TINAG: variants seen among roughly 807,000 people sequenced by gnomAD.
TINAG encodes the protein tubulointerstitial nephritis antigen.
A neutral mutation model predicts 72.7 loss-of-function variants in TINAG; 83 were observed. The ratio of observed to expected loss-of-function variants is 1.14; its 90% CI spans 0.96 to 1.37. TINAG has a LOEUF of 1.37. Ranked by LOEUF, TINAG falls within the 40% of genes most tolerant of loss-of-function variation. TINAG has a pLI of 0.00. For synonymous variants in TINAG, 234 were observed against 189.9 expected (o/e 1.23, Z -1.91); for missense variants, 685 against 576.6 (o/e 1.19, Z -1.93).
At chr6:54,335,659 A>G (rs562078556) in intron 4 of TINAG, among the ~76,000 whole-genome samples, 3 of 152,196 alleles carry the variant, frequency 2.0e-5, no homozygotes, top group Non-Finnish European at 4.4e-5. Context: ...AGTTAGTTTT[A>G]TAGCTAGTTC....
At chr6:54,360,837 C>CTG (rs1432622935) in intron 9 of TINAG, among the ~76,000 whole-genome samples, 3 of 22,386 alleles carry the variant, frequency 1.3e-4, no homozygotes, top group East Asian at 1.8e-3. Context: ...TTCACAGATA[C>CTG]TGTGTTTTTT....
At chr6:54,349,580 A>T in intron 6 of TINAG, 136 bp from the exon 7 acceptor site, 1 of 638,514 alleles carries the variant, frequency 1.6e-6, no homozygotes, top group South Asian at 3.9e-5. Context: ...TGTTGGAGTC[A>T]CTCACTATTT....
At chr6:54,325,207 T>C (rs2150939634) in intron 3 of TINAG, among the ~76,000 whole-genome samples, 1 of 152,356 alleles carries the variant, frequency 6.6e-6, no homozygotes, top group South Asian at 2.1e-4. Context: ...AAGCTTTTGA[T>C]CATATTTTGA....
At chr6:54,373,541 G>A (rs953825668) in intron 9 of TINAG, among the ~76,000 whole-genome samples, 1 of 152,040 alleles carries the variant, frequency 6.6e-6, no homozygotes, top group African/African-American at 2.4e-5. Flanking sequence ...ATCTTGAAAT[G>A]CTATTTAACC....
chr6:54,340,675 G>A (rs1784975123), intron 4 of TINAG, among the ~76,000 whole-genome samples: 1 of 151,974 alleles, frequency 6.6e-6, no homozygotes, highest in Non-Finnish European at 1.5e-5. Flanking sequence ...ATAAATAAAT[G>A]GTAAAAATCT....
intron 9 of TINAG, among the ~76,000 whole-genome samples, chr6:54,368,846 C>T (rs944718665): frequency 1.3e-5 from 2 of 151,480 alleles, no homozygotes; most frequent in African/African-American, 4.8e-5. Context: ...AAGTACCGTG[C>T]ATTTTGTTTT....
At chr6:54,366,073 A>G (rs1763405048) in intron 9 of TINAG, among the ~76,000 whole-genome samples, 1 of 151,644 alleles carries the variant, frequency 6.6e-6, no homozygotes, top group Non-Finnish European at 1.5e-5. Context: ...ATCACTAAAC[A>G]ACTGTAGTAG....
At chr6:54,369,555 TA>T (rs1281363630) in intron 9 of TINAG, among the ~76,000 whole-genome samples, 1 of 152,004 alleles carries the variant, frequency 6.6e-6, no homozygotes, top group Non-Finnish European at 1.5e-5. Context: ...TTTAAAATTA[TA>T]CATTTCATGT....
chr6:54,338,611 C>T (rs895142007), intron 4 of TINAG, among the ~76,000 whole-genome samples: 2 of 150,696 alleles, frequency 1.3e-5, no homozygotes, highest in African/African-American at 4.9e-5. Flanking sequence ...GTAGTCCCAG[C>T]TACTCGGGAG....
chr6:54,387,895 G>C (rs773071007), intron 10 of TINAG, among the ~76,000 whole-genome samples: 1 of 152,040 alleles, frequency 6.6e-6, no homozygotes, highest in African/African-American at 2.4e-5. Context: ...TACATGTCCT[G>C]AGGTGTATTT....
intron 9 of TINAG, among the ~76,000 whole-genome samples, chr6:54,368,324 TAATC>T (rs1413140556): frequency 1.4e-5 from 2 of 147,790 alleles, no homozygotes; most frequent in African/African-American, 2.4e-5. Flanking sequence ...TATTAAGTAA[TAATC>T]AAATAATAAT....
intron 1 of TINAG, among the ~76,000 whole-genome samples, chr6:54,313,436 T>G (rs2150929189): frequency 6.6e-6 from 1 of 152,258 alleles, no homozygotes; most frequent in South Asian, 2.1e-4. Flanking sequence ...GAGTAGCATG[T>G]TTTCTCTTGT....
At chr6:54,384,168 A>G (rs529905265) in intron 10 of TINAG, among the ~76,000 whole-genome samples, 1 of 152,264 alleles carries the variant, frequency 6.6e-6, no homozygotes, top group African/African-American at 2.4e-5. Flanking sequence ...ACACATGGAC[A>G]CAGGGAGGGG....
intron 10 of TINAG, among the ~76,000 whole-genome samples, chr6:54,387,011 G>C (rs1454841469): frequency 6.6e-6 from 1 of 152,092 alleles, no homozygotes; most frequent in Non-Finnish European, 1.5e-5. Flanking sequence ...ATCTGGAAAG[G>C]TATCTGACAA....
chr6:54,322,666 A>T (rs1201363653), intron 3 of TINAG, among the ~76,000 whole-genome samples: 1 of 152,214 alleles, frequency 6.6e-6, no homozygotes, highest in Admixed American at 6.5e-5. Flanking sequence ...CTTGGAACAT[A>T]CAAAACATAG....
rs181251334 is a variant in TINAG, at chr6:54,354,487, A to G, written c.1127-26A>G. Reference sequence around the variant, plus strand: ...AAAGATGATATTTTAATACTGTGCCATTTGTTCTGTTGGATTTTATTTTAG... The same window carrying G: ...AAAGATGATATTTTAATACTGTGCCGTTTGTTCTGTTGGATTTTATTTTAG... On this transcript the variant is annotated intron_variant, in intron 8 of 10. Coordinates refer to ENST00000259782, the MANE Select transcript of TINAG (RefSeq NM_014464.4). 8.1e-5 allele frequency: 129 copies of G among 1,586,036 alleles called. No individual in the cohort carries two copies. In the African/African-American group the frequency reaches 1.7e-3, roughly 21 times the overall value.
intron 9 of TINAG, among the ~76,000 whole-genome samples, chr6:54,360,841 G>GTTTTGTTTTGTTTTTTTTTT (rs1763205728): frequency 3.8e-5 from 1 of 26,242 alleles, no homozygotes; most frequent in Non-Finnish European, 8.5e-5. Context: ...CAGATACTGT[G>GTTTTGTTTTGTTTTTTTTTT]TTTTTTTTTT....
chr6:54,354,697 A>G (rs1488708576), intron 9 of TINAG, 61 bp downstream of exon 9: 2 of 1,532,150 alleles, frequency 1.3e-6, no homozygotes, highest in African/African-American at 2.8e-5. Context: ...AAATAAGAAT[A>G]TGCAGTGTTT....
chr6:54,323,774 T>C (rs542905576), intron 3 of TINAG, among the ~76,000 whole-genome samples: 23 of 152,230 alleles, frequency 1.5e-4, no homozygotes, highest in African/African-American at 5.5e-4. Flanking sequence ...GCCAACATGG[T>C]GAAACCCCAT....
Sources: gnomAD v4.1 joint callset for allele counts (sites outside exome capture counted in the v4.1 genomes callset) on GRCh38, gnomAD v4.1.1 for gene constraint, MANE v1.5 for transcripts, NCBI Gene and HGNC (gene_info 2026-07-23, HGNC 2026-07-21) for gene names.